The following TUFT1 variants were observed in gnomAD, a reference collection of about 807,000 sequenced individuals.
The protein encoded by TUFT1 is tuftelin 1.
A neutral mutation model predicts 57.8 loss-of-function variants in TUFT1; 43 were observed. The observed-to-expected ratio is 0.74, with a 90% CI of 0.58 to 0.96. TUFT1 has a LOEUF of 0.96. Among genes scored for constraint, TUFT1 ranks in the 40% least tolerant of loss-of-function variants. The pLI is 0.00. For missense variants in TUFT1, 459 were observed against 489.0 expected (o/e 0.94, Z 0.58); for synonymous variants, 166 against 176.7 (o/e 0.94, Z 0.48).
chr1:151,562,121 C>T lies in TUFT1; in HGVS notation c.91C>T (p.Gln31Ter). The stretch of plus-strand genomic sequence containing the variant: ...CGTGGACATTCTCAGGCTGACTCTC[C>T]AGGGTGAACTGACAGGAGATGAACT... ...GSVDILRLTL[Q>*]GELTGDELEH... is the part of the protein sequence containing the mutation. The change falls in exon 2 of 13, where the codon CAG becomes TAG. Residue 31 changes from glutamine (Q) to a stop codon, truncating the protein, a stop_gained. Coordinates refer to ENST00000368849, the MANE Select transcript of TUFT1 (RefSeq NM_020127.3). LOFTEE classifies it high-confidence loss of function. 1 of 1,614,186 alleles carries T rather than the reference C, an allele frequency of 6.2e-7. No homozygotes were observed. Among genetic ancestry groups the T allele is most frequent in the Non-Finnish European group, 8.5e-7 (1 of 1,180,020 alleles).
intron 1 of TUFT1, among the ~76,000 whole-genome samples, chr1:151,557,239 C>A (rs1206506995): frequency 6.6e-6 from 1 of 151,974 alleles, no homozygotes; most frequent in Non-Finnish European, 1.5e-5. Flanking sequence ...AGAAGAGAAA[C>A]CTTTCCTTCC....
intron 1 of TUFT1, among the ~76,000 whole-genome samples, chr1:151,546,263 G>A (rs971460151): frequency 2.6e-5 from 4 of 152,008 alleles, no homozygotes; most frequent in South Asian, 2.1e-4. Context: ...AGAAGCTCAA[G>A]TAGTTTAATG....
intron 1 of TUFT1, among the ~76,000 whole-genome samples, chr1:151,550,612 TG>T (rs1665479744): frequency 6.6e-6 from 1 of 152,258 alleles, no homozygotes; most frequent in Admixed American, 6.5e-5. Context: ...TCCAAAGTGC[TG>T]GGATTACAGG....
chr1:151,557,651 A>G (rs1022689429), intron 1 of TUFT1: 2 of 1,005,770 alleles, frequency 2.0e-6, no homozygotes, highest in Non-Finnish European at 3.2e-6. Context: ...TTCCACTGGT[A>G]CGTTACCAAT....
In TUFT1 at chr1:151,566,308, T is replaced by TTCTC. The variant is rs57179871; in HGVS notation, c.480+97_480+100dup. On this transcript the variant is annotated intron_variant, in intron 6 of 12. Coordinates refer to ENST00000368849, the MANE Select transcript of TUFT1 (RefSeq NM_020127.3). Reference sequence around the variant, plus strand: ...CCTCCCCATCCTTTTGTTTATTGCTTTCTCTCTCTCTCTCTCTCTCATTAA... The same window carrying TTCTC: ...CCTCCCCATCCTTTTGTTTATTGCTTTCTCTCTCTCTCTCTCTCTCTCTCATTAA... 432 of 908,164 alleles carry TTCTC rather than the reference T, an allele frequency of 4.8e-4. No individual in the cohort carries two copies. In the East Asian group the frequency reaches 8.5e-3, roughly 18 times the overall value. 56.3% of individuals were successfully genotyped at this position (908,164 alleles called of 1,614,324 possible). A position where few individuals can be genotyped will look rare whatever the true frequency, so the allele number is the denominator to read the frequency against.
intron 1 of TUFT1, among the ~76,000 whole-genome samples, chr1:151,544,557 A>G (rs1665274354): frequency 6.6e-6 from 1 of 152,030 alleles, no homozygotes; most frequent in Non-Finnish European, 1.5e-5. Context: ...TCGGCCTTCC[A>G]AAGTACTGGG....
chr1:151,544,872 A>G (rs1325293530), intron 1 of TUFT1, among the ~76,000 whole-genome samples: 1 of 152,182 alleles, frequency 6.6e-6, no homozygotes, highest in Non-Finnish European at 1.5e-5. Context: ...TCAGTTTTAG[A>G]CATCTATTGA....
chr1:151,566,382 A>G (rs1666080539), intron 6 of TUFT1, among the ~76,000 whole-genome samples, 154 bp downstream of exon 6: 1 of 152,206 alleles, frequency 6.6e-6, no homozygotes, highest in African/African-American at 2.4e-5. Context: ...AGAAATACAA[A>G]GAGTAGAAAT....
In TUFT1 at chr1:151,563,846, A is replaced by G. The variant is rs992525860; in HGVS notation, c.238-58A>G. 103 of 1,487,176 alleles carry G rather than the reference A, an allele frequency of 6.9e-5. No individual in the cohort carries two copies. In the Middle Eastern group the frequency reaches 8.9e-4, roughly 13 times the overall value. 92.1% of individuals were successfully genotyped at this position (1,487,176 alleles called of 1,614,324 possible). On this transcript the variant is annotated intron_variant, in intron 3 of 12. Transcript: ENST00000368849. ...CCACCAGCACTATATGAAGCTGCCT[A>G]TTTTTGTATAGTTAATTTAATTTGA...
At chr1:151,569,385 A>T (rs2102546528) in intron 6 of TUFT1, among the ~76,000 whole-genome samples, 1 of 152,326 alleles carries the variant, frequency 6.6e-6, no homozygotes, top group Non-Finnish European at 1.5e-5. Context: ...CGATTAGTGG[A>T]TACATACATG....
Position 151,562,596 on chromosome 1 carries a change from G to A in TUFT1, c.147G>A (p.Lys49=). 6.2e-7 allele frequency: 1 copy of A among 1,612,150 alleles called. No individual in the cohort carries two copies. Among genetic ancestry groups the A allele is most frequent in the African/African-American group, 1.3e-5 (1 of 74,908 alleles). The change falls in exon 3 of 13, where the codon AAG becomes AAA. Residue 49 remains lysine (K), a synonymous_variant. Coordinates refer to ENST00000368849, the MANE Select transcript of TUFT1 (RefSeq NM_020127.3). The part of the protein sequence containing the change: ...LEHIAQKAGR[K]TYAMVSSHSA... ...CTCTCTTTGGCCAGGCGGGCAGGAAGACCTATGCCATGGTGTCCAGCCACT... is the reference window on the plus strand; with the variant it reads ...CTCTCTTTGGCCAGGCGGGCAGGAAAACCTATGCCATGGTGTCCAGCCACT...
chr1:151,551,614 C>G (rs1665512542), intron 1 of TUFT1, among the ~76,000 whole-genome samples: 1 of 152,112 alleles, frequency 6.6e-6, no homozygotes, highest in Non-Finnish European at 1.5e-5. Flanking sequence ...GAGAAAGCAA[C>G]ATGCGCACCT....
rs141001190 is a variant in TUFT1, at chr1:151,573,839, A to G, written c.595-431A>G. ...ATTTTGGCTGTTGTGTGTGGGCTCT[A>G]TTGCTGGAAGTGAGAGGGGAGGTGT... On this transcript the variant is annotated intron_variant, in intron 7 of 12. Coordinates refer to ENST00000368849, the MANE Select transcript of TUFT1 (RefSeq NM_020127.3). 2.4e-3 allele frequency among the ~76,000 whole-genome samples: 358 copies of G among 152,254 alleles called. 1 individual carries two copies. The highest frequency in any genetic ancestry group is 8.3e-3 in the African/African-American group (345 of 41,552).
chr1:151,542,904 G>T (rs182881405), intron 1 of TUFT1, among the ~76,000 whole-genome samples: 1 of 152,288 alleles, frequency 6.6e-6, no homozygotes, highest in Admixed American at 6.5e-5. Flanking sequence ...CCAGGAATCT[G>T]TCATATATTC....
At chr1:151,578,117 G>T (rs553360988) in intron 9 of TUFT1, among the ~76,000 whole-genome samples, 1 of 151,956 alleles carries the variant, frequency 6.6e-6, no homozygotes, top group Admixed American at 6.5e-5. Flanking sequence ...ACATGAGACT[G>T]GCCACTTTCT....
intron 1 of TUFT1, among the ~76,000 whole-genome samples, chr1:151,547,821 A>G (rs1434852911): frequency 6.6e-6 from 1 of 152,182 alleles, no homozygotes; most frequent in African/African-American, 2.4e-5. Context: ...TTCCCTCTAC[A>G]GACACACTGT....
intron 1 of TUFT1, among the ~76,000 whole-genome samples, chr1:151,560,956 TTGTG>T (rs68056033): frequency 0.26 from 33,704 of 131,932 alleles, 4,034 homozygotes; most frequent in Middle Eastern, 0.34. Context: ...CTGCAAAGTA[TTGTG>T]TGTGTGTGTG....
intron 5 of TUFT1, 166 bp from the exon 6 acceptor site, chr1:151,565,997 C>CCTTTTTCTCCCTCCCTTT (rs1666059726): frequency 2.1e-6 from 1 of 481,064 alleles, no homozygotes; most frequent in African/African-American, 2.0e-5. Flanking sequence ...TTCATTCCTT[C>CCTTTTTCTCCCTCCCTTT]CTTTTTCTCC....
intron 12 of TUFT1, among the ~76,000 whole-genome samples, 195 bp downstream of exon 12, chr1:151,581,237 A>G (rs2102561146): frequency 6.6e-6 from 1 of 152,318 alleles, no homozygotes; most frequent in East Asian, 1.9e-4. Flanking sequence ...AAGCCCAGGG[A>G]GGTCCATGAA....
Sources: allele counts gnomAD v4.1 joint callset (sites outside exome capture counted in the v4.1 genomes callset), GRCh38; gene constraint gnomAD v4.1.1; transcripts MANE v1.5; gene names NCBI Gene and HGNC (gene_info 2026-07-23, HGNC 2026-07-21).